The following PDE2A variants were observed in gnomAD, a reference collection of about 807,000 sequenced individuals.
PDE2A encodes the protein cGMP-dependent 3',5'-cyclic phosphodiesterase.
Under a neutral mutation model 133.6 loss-of-function variants are expected in PDE2A, and 53 were observed. The observed-to-expected ratio is 0.40, with a 90% CI of 0.32 to 0.50. The LOEUF is 0.50. PDE2A is among the 20% of genes least tolerant of loss of function. PDE2A has a pLI of 0.73. For missense variants in PDE2A, 796 were observed against 1,232.4 expected, an observed-to-expected ratio of 0.65 and a Z score of 5.30; for synonymous variants, 491 against 490.2, an observed-to-expected ratio of 1.00 and a Z score of -0.02.
At chr11:72,600,161 G>A (rs555255869) in intron 4 of PDE2A, among the ~76,000 whole-genome samples, 2 of 152,316 alleles carry the variant, frequency 1.3e-5, no homozygotes, top group South Asian at 4.1e-4. Context: ...TGAGCCTGAG[G>A]GCAGGGGGTG....
chr11:72,645,113 T>A (rs1859097395), intron 1 of PDE2A, among the ~76,000 whole-genome samples: 1 of 152,130 alleles, frequency 6.6e-6, no homozygotes, highest in South Asian at 2.1e-4. Flanking sequence ...ATGACTGGGG[T>A]CCCTGGTGTG....
Position 72,588,856 on chromosome 11 carries a change from A to G in PDE2A, c.998T>C (p.Val333Ala). The G allele has an allele frequency of 6.2e-7, 1 of 1,611,668 alleles. No individual in the cohort carries two copies. The highest frequency in any genetic ancestry group is 2.2e-5 in the East Asian group (1 of 44,810). Residue 333 changes from valine (V) to alanine (A), a missense_variant, in exon 13 of 31, where the codon GTC becomes GCC. Val to Ala is a moderately conservative substitution (Grantham distance 64). This residue lies in a region of PDE2A where 417 missense variants were observed against 475.3 expected (regional missense o/e 0.88). Coordinates refer to ENST00000334456, the MANE Select transcript of PDE2A (RefSeq NM_002599.5). ...GTCAGTGGCCCGGCTGATGACAGGG[A>G]CACAGAGCATGGCCTGCAGCTCACA... ...LGCELQAMLC[V>A]PVISRATDQV...
At chr11:72,624,136 C>T (rs960591927) in intron 2 of PDE2A, among the ~76,000 whole-genome samples, 5 of 151,976 alleles carry the variant, frequency 3.3e-5, no homozygotes, top group Admixed American at 6.6e-5. Context: ...AGATTACAGG[C>T]GCCTGTCACC....
At chr11:72,638,172 C>T (rs1280017895) in intron 2 of PDE2A, among the ~76,000 whole-genome samples, 1 of 152,204 alleles carries the variant, frequency 6.6e-6, no homozygotes, top group African/African-American at 2.4e-5. Context: ...CTGACACCAG[C>T]CGCGCCACCC....
chr11:72,664,998 G>A (rs1042854711), intron 1 of PDE2A, among the ~76,000 whole-genome samples: 4 of 151,996 alleles, frequency 2.6e-5, no homozygotes, highest in Non-Finnish European at 5.9e-5. Flanking sequence ...TAAAGACAGA[G>A]TTTCTCCAGG....
At chr11:72,657,204 A>G (rs1854923639) in intron 1 of PDE2A, among the ~76,000 whole-genome samples, 1 of 152,094 alleles carries the variant, frequency 6.6e-6, no homozygotes, top group South Asian at 2.1e-4. Context: ...CCTAGACCAG[A>G]AGGTGGCTGT....
intron 2 of PDE2A, among the ~76,000 whole-genome samples, chr11:72,617,232 T>C (rs768709243): frequency 6.6e-6 from 1 of 152,118 alleles, no homozygotes; most frequent in Non-Finnish European, 1.5e-5. Flanking sequence ...GGGAGGTAAA[T>C]GCTGAAGGAG....
rs1855721480 is a variant in PDE2A, at chr11:72,581,426, A to G, written c.1976T>C (p.Met659Thr). 2 of 1,610,946 alleles carry G rather than the reference A, an allele frequency of 1.2e-6. No individual in the cohort carries two copies. The highest frequency in any genetic ancestry group is 1.7e-6 in the Non-Finnish European group (2 of 1,179,030). ...GYRDPPYHNW[M>T]HAFSVSHFCY... ...GAAGTGGGAGACAGAAAAGGCGTGC[A>G]TCCAGTTGTGGTAGGGGGGATCCCG... The change falls in exon 23 of 31, where the codon ATG becomes ACG. Residue 659 changes from methionine to threonine, a missense_variant. Met to Thr is a moderately conservative substitution (Grantham distance 81). This residue lies in a region of PDE2A where 218 missense variants were observed against 465.9 expected (regional missense o/e 0.47). Transcript: ENST00000334456.
chr11:72,655,348 G>GACA, intron 1 of PDE2A, among the ~76,000 whole-genome samples: 1 of 6,726 alleles, frequency 1.5e-4, no homozygotes, highest in Non-Finnish European at 4.1e-4. Context: ...GCCAGGGTGA[G>GACA]GCAGCCTGGG....
rs944002971 is a variant in PDE2A, at chr11:72,674,370, C to T, written c.-163G>A. On this transcript the variant is annotated 5_prime_UTR_variant, in exon 1 of 31. Transcript: ENST00000334456. ...CAACACCCCAATCCAGCTCTGCTGC[C>T]CCGCTGCTCCCGCCTCTCCCGCTGC... is the stretch of plus-strand genomic sequence containing the variant. 1.6e-6 allele frequency: 1 copy of T among 616,178 alleles called. No homozygotes were observed. Among genetic ancestry groups the T allele is most frequent in the East Asian group, 3.0e-5 (1 of 33,032 alleles). The allele number at this position is 616,178 out of a possible 1,614,324, so 38.2% of individuals were successfully genotyped here.
chr11:72,643,926 G>A (rs190248158), intron 1 of PDE2A, among the ~76,000 whole-genome samples: 33 of 152,112 alleles, frequency 2.2e-4, no homozygotes, highest in East Asian at 1.8e-3. Context: ...AATAAAGCCC[G>A]AGCCCTGAGC....
rs950782942 is a variant in PDE2A, at chr11:72,577,088, G to A, written c.*296C>T. On this transcript the variant is annotated 3_prime_UTR_variant, in exon 31 of 31. Transcript: ENST00000334456. ...GAAACCATCAAGCTGCTCAGACAAA[G>A]AATGGCTTGGGAAAGACTTGCCAAG... 15 of 352,172 alleles carry A rather than the reference G, an allele frequency of 4.3e-5. No individual in the cohort carries two copies. Among genetic ancestry groups the A allele is most frequent in the Non-Finnish European group, 6.2e-5 (12 of 193,054 alleles). 21.8% of individuals were successfully genotyped at this position (352,172 alleles called of 1,614,324 possible).
chr11:72,598,440 T>A (rs1476613594), intron 4 of PDE2A: 21 of 1,155,638 alleles, frequency 1.8e-5, no homozygotes, highest in Non-Finnish European at 2.2e-5. Flanking sequence ...AATGAGTTTC[T>A]CTCTGTCCCA....
At chr11:72,665,377 C>T (rs1855204758) in intron 1 of PDE2A, among the ~76,000 whole-genome samples, 1 of 151,994 alleles carries the variant, frequency 6.6e-6, no homozygotes, top group South Asian at 2.1e-4. Context: ...CCCATCCCAC[C>T]CCCACTCCAC....
intron 12 of PDE2A, 67 bp downstream of exon 12, chr11:72,589,108 C>CTTATCTGCCCCATT: frequency 7.0e-7 from 1 of 1,428,636 alleles, no homozygotes; most frequent in East Asian, 2.3e-5. Context: ...GTAACAGAGA[C>CTTATCTGCCCCATT]CCTGGCTCTA....
At chr11:72,627,043 C>A (rs375576414) in intron 2 of PDE2A, among the ~76,000 whole-genome samples, 1 of 152,312 alleles carries the variant, frequency 6.6e-6, no homozygotes, top group African/African-American at 2.4e-5. Flanking sequence ...GCCCTTGACC[C>A]TCTCCATCCT....
intron 2 of PDE2A, among the ~76,000 whole-genome samples, chr11:72,615,997 C>T (rs1857454268): frequency 6.6e-6 from 1 of 152,126 alleles, no homozygotes; most frequent in African/African-American, 2.4e-5. Context: ...TTTGGTGACC[C>T]TGAATGTCTG....
At position 72,581,421 on chromosome 11, in the gene PDE2A, C is replaced by T. The variant is rs1440027617; in HGVS notation, c.1981G>A (p.Ala661Thr). 1 of 1,611,232 alleles carries T rather than the reference C, an allele frequency of 6.2e-7. No homozygotes were observed. Among genetic ancestry groups the T allele is most frequent in the Non-Finnish European group, 8.5e-7 (1 of 1,179,170 alleles). Reference sequence around the variant, plus strand: ...TAGCAGAAGTGGGAGACAGAAAAGGCGTGCATCCAGTTGTGGTAGGGGGGA... The same window carrying T: ...TAGCAGAAGTGGGAGACAGAAAAGGTGTGCATCCAGTTGTGGTAGGGGGGA... ...RDPPYHNWMH[A>T]FSVSHFCYLL... The change falls in exon 23 of 31, where the codon GCC (alanine) becomes ACC (threonine). Residue 661 changes from alanine to threonine, a missense_variant. This residue lies in a region of PDE2A where 218 missense variants were observed against 465.9 expected (regional missense o/e 0.47). Transcript: ENST00000334456.
At chr11:72,579,731 G>T (rs1340716841) in intron 25 of PDE2A, 123 bp from the exon 26 acceptor site, 1 of 662,018 alleles carries the variant, frequency 1.5e-6, no homozygotes, top group Non-Finnish European at 2.6e-6. Flanking sequence ...CAGTCAGAAA[G>T]GGGGAGTCAG....
Sources: allele counts gnomAD v4.1 joint callset (sites outside exome capture counted in the v4.1 genomes callset), GRCh38; gene constraint gnomAD v4.1.1; regional missense constraint gnomAD v4.1.1; transcripts MANE v1.5; gene names NCBI Gene and HGNC (gene_info 2026-07-23, HGNC 2026-07-21).